APBA1: variants seen among roughly 807,000 people sequenced by gnomAD.
APBA1 encodes amyloid-beta A4 precursor protein-binding family A member 1.
APBA1 carries 55 observed loss-of-function variants against 86.6 expected under a neutral mutation model. The ratio of observed to expected loss-of-function variants is 0.64; its 90% confidence interval spans 0.51 to 0.80. The LOEUF (loss-of-function observed/expected upper bound fraction) is 0.80. Among genes scored for constraint, APBA1 ranks in the 30% least tolerant of loss-of-function variants. The pLI, the probability that APBA1 is intolerant of heterozygous loss-of-function variation, is 0.00. For synonymous variants in APBA1, 511 were observed against 493.9 expected (o/e 1.03, Z -0.46); for missense variants, 1,090 against 1,183.0 (o/e 0.92, Z 1.15).
chr9:69,504,382 T>C (rs1287663042), intron 2 of APBA1, among the ~76,000 whole-genome samples: 1 of 152,116 alleles, frequency 6.6e-6, no homozygotes, highest in African/African-American at 2.4e-5. Flanking sequence ...TTTTGCTGTC[T>C]TGATTTCTCC....
intron 2 of APBA1, among the ~76,000 whole-genome samples, chr9:69,488,934 GA>G (rs1255190329): frequency 6.7e-6 from 1 of 149,264 alleles, no homozygotes; most frequent in Non-Finnish European, 1.5e-5. Flanking sequence ...GGATGTGAAA[GA>G]CCTCTTCAAG....
Position 69,467,936 on chromosome 9 carries a change from C to T in APBA1, c.1369G>A (p.Asp457Asn), listed in dbSNP as rs375886101. Residue 457 changes from aspartate to asparagine, a missense_variant, in exon 5 of 13, where the codon GAT becomes AAT. By Grantham distance (23) the Asp-to-Asn change is conservative (BLOSUM62 1). Transcript: ENST00000265381. ...PGPCDPEDLI[D>N]GIIFAANYLG... is the part of the protein sequence containing the mutation. ...TAATTGGCGGCAAAAATGATTCCAT[C>T]GATCAAGTCTTCGGGGTCGCAGGGT... 6.2e-6 allele frequency: 10 copies of T among 1,614,014 alleles called. No individual in the cohort carries two copies. The African/African-American group carries it at 8.0e-5, about 13-fold the overall frequency.
intron 8 of APBA1, 109 bp from the exon 9 acceptor site, chr9:69,452,410 C>T: frequency 9.3e-7 from 1 of 1,071,448 alleles, no homozygotes; most frequent in Admixed American, 2.3e-5. Context: ...TGAGGAAACC[C>T]TAGACATCAC....
chr9:69,602,837 A>G (rs1224887846), intron 1 of APBA1, among the ~76,000 whole-genome samples: 1 of 152,210 alleles, frequency 6.6e-6, no homozygotes, highest in Non-Finnish European at 1.5e-5. Flanking sequence ...GAAAAACATT[A>G]CATATTTAGA....
At chr9:69,636,922 GGAAAGAAAGAAA>G (rs1164309911) in intron 1 of APBA1, among the ~76,000 whole-genome samples, 56 of 63,962 alleles carry the variant, frequency 8.8e-4, no homozygotes, top group African/African-American at 2.2e-3. Flanking sequence ...AAGGAAGGAA[GGAAAGAAAGAAA>G]GAAAGAAAGA....
chr9:69,571,112 C>G (rs1473486150), intron 1 of APBA1, among the ~76,000 whole-genome samples: 1 of 152,156 alleles, frequency 6.6e-6, no homozygotes, highest in African/African-American at 2.4e-5. Context: ...AGAAACACAA[C>G]TTTTATTATC....
intron 1 of APBA1, among the ~76,000 whole-genome samples, chr9:69,581,311 G>A (rs140510308): frequency 7.2e-5 from 11 of 152,242 alleles, no homozygotes; most frequent in African/African-American, 2.4e-4. Flanking sequence ...AGCAGCCCCT[G>A]AGATTCACTG....
intron 1 of APBA1, among the ~76,000 whole-genome samples, chr9:69,651,473 A>C (rs1363592267): frequency 6.6e-6 from 1 of 151,898 alleles, no homozygotes; most frequent in Non-Finnish European, 1.5e-5. Context: ...ATAATGACTG[A>C]CTGTATTTTT....
Position 69,441,088 on chromosome 9 carries a change from G to T in APBA1, c.2209C>A (p.Leu737Met). The change falls in exon 11 of 13, where the codon CTG becomes ATG. Residue 737 changes from leucine to methionine, a missense_variant. Leu to Met is a conservative substitution (Grantham distance 15). Transcript: ENST00000265381. ...KGLKNQSRVK[L>M]NIVRCPPVTT... The stretch of plus-strand genomic sequence containing the variant: ...ACCGGAGGACATCTCACGATATTCA[G>T]CTTGACTCGGGACTGATTCTTTAAG... The T allele has an allele frequency of 1.2e-6, 2 of 1,614,090 alleles. No homozygotes were observed. Among genetic ancestry groups the T allele is most frequent in the Non-Finnish European group, 1.7e-6 (2 of 1,180,032 alleles).
intron 3 of APBA1, among the ~76,000 whole-genome samples, chr9:69,475,408 T>C (rs1835427115): frequency 6.6e-6 from 1 of 152,076 alleles, no homozygotes; most frequent in African/African-American, 2.4e-5. Context: ...ATGACTACCA[T>C]AGTGGACAGA....
intron 9 of APBA1, among the ~76,000 whole-genome samples, chr9:69,450,921 G>A (rs1157083848): frequency 1.3e-5 from 2 of 152,108 alleles, no homozygotes; most frequent in Non-Finnish European, 2.9e-5. Context: ...CCAGAGAAAG[G>A]CTTGGAACAG....
chr9:69,551,657 T>C (rs10867768), intron 1 of APBA1, among the ~76,000 whole-genome samples: 57,419 of 152,050 alleles, frequency 0.38, 12,199 homozygotes, highest in Non-Finnish European at 0.47. Context: ...CAATATTACA[T>C]GATTTTATTA....
rs554187996 is a variant in APBA1 at position 69,625,200 on chromosome 9, C to T, written c.-70+46953G>A. Among the ~76,000 whole-genome samples, 4 of 152,264 alleles carry T rather than the reference C, an allele frequency of 2.6e-5. No homozygotes were observed. In the East Asian group the frequency reaches 7.7e-4, roughly 29 times the overall value. On this transcript the variant is annotated intron_variant, in intron 1 of 12. Coordinates refer to ENST00000265381, the MANE Select transcript of APBA1 (RefSeq NM_001163.4). ...ACACATCGAGCTTGCACCACTGTTC[C>T]TTCTGGAATGTTTTCCCAGGACTGC...
At chr9:69,581,486 CG>C (rs1821912927) in intron 1 of APBA1, among the ~76,000 whole-genome samples, 1 of 152,068 alleles carries the variant, frequency 6.6e-6, no homozygotes, top group Non-Finnish European at 1.5e-5. Context: ...GGTGTGTTTG[CG>C]GGGGCAGAGA....
intron 1 of APBA1, among the ~76,000 whole-genome samples, chr9:69,646,083 A>G (rs1258738812): frequency 6.6e-6 from 1 of 152,252 alleles, no homozygotes; most frequent in Non-Finnish European, 1.5e-5. Context: ...GAAAATAGGA[A>G]AAGTTTTATT....
chr9:69,511,422 A>G (rs903212899), intron 2 of APBA1, among the ~76,000 whole-genome samples: 1 of 152,192 alleles, frequency 6.6e-6, no homozygotes, highest in Non-Finnish European at 1.5e-5. Context: ...GTCAGGAAAC[A>G]ACAGGTGCTG....
chr9:69,667,257 G>C (rs1461922776), intron 1 of APBA1, among the ~76,000 whole-genome samples: 1 of 152,112 alleles, frequency 6.6e-6, no homozygotes, highest in African/African-American at 2.4e-5. Context: ...TGTATTTAGT[G>C]AGATTAAATG....
chr9:69,596,521 T>C (rs563058858), intron 1 of APBA1, among the ~76,000 whole-genome samples: 1 of 152,316 alleles, frequency 6.6e-6, no homozygotes, highest in South Asian at 2.1e-4. Flanking sequence ...TAGTGCCAGC[T>C]ATATGAGAGC....
chr9:69,596,053 T>A (rs2133969080), intron 1 of APBA1, among the ~76,000 whole-genome samples: 1 of 152,276 alleles, frequency 6.6e-6, no homozygotes, highest in Admixed American at 6.5e-5. Context: ...AGTGGTGTGA[T>A]CATAGCTCAC....
Sources: allele counts gnomAD v4.1 joint callset (sites outside exome capture counted in the v4.1 genomes callset), GRCh38; gene constraint gnomAD v4.1.1; transcripts MANE v1.5; gene names NCBI Gene and HGNC (gene_info 2026-07-23, HGNC 2026-07-21).